The following PTPRD variants were observed in gnomAD, a reference collection of about 807,000 sequenced individuals.
PTPRD encodes receptor-type tyrosine-protein phosphatase delta.
In PTPRD, 34 loss-of-function variants were observed where a neutral mutation model predicts 214.5. That is an observed-to-expected ratio of 0.16 (90% confidence interval 0.12 to 0.21). PTPRD has a LOEUF of 0.21. Among genes scored for constraint, PTPRD ranks in the 10% least tolerant of loss-of-function variants. The pLI is 1.00. For synonymous variants in PTPRD, 1,128 were observed against 845.7 expected, an observed-to-expected ratio of 1.33 and a Z score of -5.79; for missense variants, 2,545 against 2,398.7, an observed-to-expected ratio of 1.06 and a Z score of -1.27.
intron 5 of PTPRD, among the ~76,000 whole-genome samples, chr9:9,881,654 C>G (rs896015759): frequency 3.3e-4 from 50 of 152,004 alleles, no homozygotes; most frequent in African/African-American, 1.1e-3. Flanking sequence ...ATTTATGAAC[C>G]CTGGTATGAT....
At chr9:8,895,605 G>A (rs137910342) in intron 11 of PTPRD, among the ~76,000 whole-genome samples, 50 of 152,196 alleles carry the variant, frequency 3.3e-4, no homozygotes, top group Admixed American at 7.9e-4. Context: ...TCCTCTCCCC[G>A]ATATGTGTGC....
In PTPRD at chr9:10,344,212, G is replaced by C. The variant is rs1011515093; in HGVS notation, c.-599-3195C>G. 2.0e-5 allele frequency among the ~76,000 whole-genome samples: 3 copies of C among 151,954 alleles called. No homozygotes were observed. The South Asian group carries it at 6.2e-4, about 32-fold the overall frequency. On this transcript the variant is annotated intron_variant, in intron 2 of 45. Transcript: ENST00000381196. ...TCTTGAATTAATTTTTGTATAAGGT[G>C]TAAGGAAGGGATCCAGTTTCATCTT...
chr9:8,824,009 T>A (rs1255130424), intron 11 of PTPRD, among the ~76,000 whole-genome samples: 2 of 152,208 alleles, frequency 1.3e-5, no homozygotes, highest in Non-Finnish European at 2.9e-5. Context: ...CCATGGCATT[T>A]GTAAACTGTC....
intron 11 of PTPRD, chr9:8,958,863 A>G (rs2099144978): frequency 6.6e-6 from 1 of 151,960 alleles, no homozygotes; most frequent in Non-Finnish European, 1.5e-5. Context: ...GATAATAGAG[A>G]ACAGCCATTG....
intron 25 of PTPRD, among the ~76,000 whole-genome samples, chr9:8,498,460 T>G (rs2097325093): frequency 6.6e-6 from 1 of 152,036 alleles, no homozygotes; most frequent in African/African-American, 2.4e-5. Context: ...GTATTTTTAG[T>G]AGAGATGGGG....
At chr9:8,443,811 T>C (rs1253458387) in intron 34 of PTPRD, among the ~76,000 whole-genome samples, 2 of 152,166 alleles carry the variant, frequency 1.3e-5, no homozygotes, top group African/African-American at 4.8e-5. Flanking sequence ...ACTTTCTTTG[T>C]ACTGAAAAGA....
At chr9:9,240,392 G>A (rs2099969763) in intron 9 of PTPRD, among the ~76,000 whole-genome samples, 1 of 152,036 alleles carries the variant, frequency 6.6e-6, no homozygotes. Context: ...TTCTTTCTAG[G>A]CTGGATGCAA....
chr9:9,677,748 G>T (rs1046287281), intron 7 of PTPRD, among the ~76,000 whole-genome samples: 3 of 152,010 alleles, frequency 2.0e-5, no homozygotes, highest in Non-Finnish European at 4.4e-5. Context: ...GAAATAAAGG[G>T]CATTCAATTA....
chr9:9,566,490 A>G (rs536853964), intron 8 of PTPRD, among the ~76,000 whole-genome samples: 1 of 152,096 alleles, frequency 6.6e-6, no homozygotes, highest in Non-Finnish European at 1.5e-5. Flanking sequence ...TTTGCCTAGG[A>G]TATCAGGAAA....
intron 35 of PTPRD, among the ~76,000 whole-genome samples, chr9:8,416,594 T>G (rs2093955912): frequency 6.6e-6 from 1 of 152,128 alleles, no homozygotes; most frequent in African/African-American, 2.4e-5. Flanking sequence ...ATAGAAAATT[T>G]TTCAGCTGGC....
chr9:10,188,514 GA>G (rs1368537497), intron 3 of PTPRD, among the ~76,000 whole-genome samples: 2 of 150,922 alleles, frequency 1.3e-5, no homozygotes, highest in Admixed American at 6.6e-5. Flanking sequence ...AGTCTTCTTG[GA>G]AATAACTAGC....
chr9:10,463,723 TAACA>T (rs1360345365), intron 2 of PTPRD, among the ~76,000 whole-genome samples: 2 of 151,930 alleles, frequency 1.3e-5, no homozygotes, highest in Non-Finnish European at 2.9e-5. Flanking sequence ...CTTCAGACAC[TAACA>T]GAGGAATAAC....
chr9:8,838,850 C>A (rs1475446618), intron 11 of PTPRD, among the ~76,000 whole-genome samples: 1 of 151,730 alleles, frequency 6.6e-6, no homozygotes, highest in Non-Finnish European at 1.5e-5. Flanking sequence ...AAAACAAAAT[C>A]AGATTGAAAT....
chr9:9,875,360 A>T (rs2066553121), intron 5 of PTPRD, among the ~76,000 whole-genome samples: 1 of 152,136 alleles, frequency 6.6e-6, no homozygotes, highest in South Asian at 2.1e-4. Context: ...TGATAGAGTG[A>T]GACTCTGGCT....
At chr9:8,873,286 C>T (rs1348764825) in intron 11 of PTPRD, among the ~76,000 whole-genome samples, 1 of 152,152 alleles carries the variant, frequency 6.6e-6, no homozygotes, top group East Asian at 1.9e-4. Context: ...ATATCACTAC[C>T]CCTTCATCTC....
chr9:8,342,265 A>C (rs1166594726), intron 39 of PTPRD, among the ~76,000 whole-genome samples: 3 of 152,042 alleles, frequency 2.0e-5, no homozygotes, highest in Non-Finnish European at 4.4e-5. Flanking sequence ...AGTGAACATT[A>C]TTTCGAAAAC....
chr9:9,930,905 A>T (rs2153924553), intron 5 of PTPRD, among the ~76,000 whole-genome samples: 1 of 152,208 alleles, frequency 6.6e-6, no homozygotes, highest in African/African-American at 2.4e-5. Flanking sequence ...AAAGGACTTT[A>T]CGCATTTACT....
At chr9:9,357,999 T>G (rs1486859068) in intron 9 of PTPRD, among the ~76,000 whole-genome samples, 1 of 151,320 alleles carries the variant, frequency 6.6e-6, no homozygotes, top group Non-Finnish European at 1.5e-5. Flanking sequence ...CTGAACAGAA[T>G]TCTTCCTGTG....
rs1563892100 is a variant in PTPRD at position 8,321,521 on chromosome 9, AT to A, written c.5535-1556del. ...TATATATATATATATATATATATAT[AT>A]ATATAAAAGGTATATGCATCGCAAT... is the stretch of plus-strand genomic sequence containing the variant. On this transcript the variant is annotated intron_variant, in intron 44 of 45. Coordinates refer to ENST00000381196, the MANE Select transcript of PTPRD (RefSeq NM_002839.4). Among the ~76,000 whole-genome samples, 339 of 133,354 alleles carry A rather than the reference AT, an allele frequency of 2.5e-3. 1 individual carries two copies. Among genetic ancestry groups the A allele is most frequent in the Non-Finnish European group, 3.7e-3 (230 of 62,498 alleles). 87.5% of individuals were successfully genotyped at this position (133,354 alleles called of 152,430 possible).
Sources: allele counts gnomAD v4.1 joint callset (sites outside exome capture counted in the v4.1 genomes callset), GRCh38; gene constraint gnomAD v4.1.1; transcripts MANE v1.5; gene names NCBI Gene and HGNC (gene_info 2026-07-23, HGNC 2026-07-21).